ZNF385D: variants seen among roughly 807,000 people sequenced by gnomAD.
ZNF385D encodes the protein zinc finger protein 385D.
ZNF385D carries 15 observed loss-of-function variants against 35.8 expected under a neutral mutation model. That is an observed-to-expected ratio of 0.42 (90% CI 0.28 to 0.64). The LOEUF (loss-of-function observed/expected upper bound fraction) is 0.64. Among genes scored for constraint, ZNF385D ranks in the 30% least tolerant of loss-of-function variants. The pLI is 0.23. For synonymous variants in ZNF385D, 212 were observed against 186.8 expected (o/e 1.13, Z -1.10); for missense variants, 474 against 494.6 (o/e 0.96, Z 0.39).
intron 3 of ZNF385D, among the ~76,000 whole-genome samples, chr3:22,159,996 G>C (rs1182788030): frequency 1.3e-5 from 2 of 151,972 alleles, no homozygotes; most frequent in Admixed American, 6.6e-5. Context: ...TCAAAGGAGA[G>C]ACCATGTGGG....
chr3:22,116,347 T>C (rs1702810493), intron 3 of ZNF385D, among the ~76,000 whole-genome samples: 1 of 152,064 alleles, frequency 6.6e-6, no homozygotes, highest in Non-Finnish European at 1.5e-5. Context: ...GCAGTCAACA[T>C]ACTCCTTTTT....
chr3:21,753,099 C>T (rs890895911), upstream of ZNF385D, among the ~76,000 whole-genome samples: 2 of 152,146 alleles, frequency 1.3e-5, no homozygotes, highest in East Asian at 3.9e-4. Context: ...CTTGCATTTG[C>T]ATGACATTTT....
intron 2 of ZNF385D, among the ~76,000 whole-genome samples, chr3:21,656,521 A>G (rs150779674): frequency 2.4e-3 from 365 of 152,018 alleles, no homozygotes; most frequent in African/African-American, 8.6e-3. Flanking sequence ...ACCAGTCATA[A>G]TGAATTAGGG....
chr3:21,727,661 A>G (rs113160772), intron 1 of ZNF385D, among the ~76,000 whole-genome samples: 23,292 of 152,184 alleles, frequency 0.15, 1,824 homozygotes, highest in Middle Eastern at 0.25. Flanking sequence ...AAAAGTCAGG[A>G]AACAACAGAT....
At chr3:21,546,896 G>A (rs142320005) in intron 3 of ZNF385D, among the ~76,000 whole-genome samples, 99 of 151,822 alleles carry the variant, frequency 6.5e-4, no homozygotes, top group African/African-American at 2.2e-3. Flanking sequence ...TGCCAAAGTC[G>A]CTGGAGCTCG....
chr3:21,459,362 C>T (rs1185363227), intron 4 of ZNF385D: 4 of 152,050 alleles, frequency 2.6e-5, no homozygotes, highest in Non-Finnish European at 4.4e-5. Flanking sequence ...CTCAAAAGGG[C>T]ACTATCTGGA....
rs535069629 is a variant in ZNF385D at position 21,511,963 on chromosome 3, A to G, written c.277-940T>C. On this transcript the variant is annotated intron_variant, in intron 3 of 7. Transcript: ENST00000281523. Reference sequence around the variant, plus strand: ...AGAGATCAAGACTATCCTGGCCAACATGGTGAAACCCCATCTCTACTAAAA... The same window carrying G: ...AGAGATCAAGACTATCCTGGCCAACGTGGTGAAACCCCATCTCTACTAAAA... Among the ~76,000 whole-genome samples, 3 of 151,768 alleles carry G rather than the reference A, an allele frequency of 2.0e-5. 1 individual carries two copies. The highest frequency in any genetic ancestry group is 7.2e-5 in the African/African-American group (3 of 41,394).
chr3:21,753,463 A>G (rs1029768695), upstream of ZNF385D, among the ~76,000 whole-genome samples: 9 of 152,226 alleles, frequency 5.9e-5, no homozygotes, highest in African/African-American at 2.2e-4. Context: ...TTTGCCTGGT[A>G]GTATACCCCA....
chr3:22,029,622 T>A (rs903039751), intron 3 of ZNF385D, among the ~76,000 whole-genome samples: 4 of 152,248 alleles, frequency 2.6e-5, no homozygotes, highest in African/African-American at 9.6e-5. Context: ...TATATACACT[T>A]GTACTAAGAA....
At chr3:21,719,510 T>A (rs1426746243) in intron 1 of ZNF385D, among the ~76,000 whole-genome samples, 1 of 152,156 alleles carries the variant, frequency 6.6e-6, no homozygotes, top group Non-Finnish European at 1.5e-5. Flanking sequence ...ATTTTACCGA[T>A]CCTCAAACTG....
intron 2 of ZNF385D, among the ~76,000 whole-genome samples, chr3:22,283,071 A>C (rs746325047): frequency 6.6e-6 from 1 of 152,118 alleles, no homozygotes; most frequent in African/African-American, 2.4e-5. Context: ...AGGTAACAGC[A>C]GTTAAAAAAG....
intron 3 of ZNF385D, among the ~76,000 whole-genome samples, chr3:21,935,728 G>T (rs1701226530): frequency 1.2e-5 from 1 of 86,904 alleles, no homozygotes; most frequent in Non-Finnish European, 2.2e-5. Flanking sequence ...CCCAAGGAGA[G>T]CAAAGGCAGA....
At chr3:21,463,495 A>T (rs1703316358) in intron 4 of ZNF385D, among the ~76,000 whole-genome samples, 1 of 152,148 alleles carries the variant, frequency 6.6e-6, no homozygotes, top group Non-Finnish European at 1.5e-5. Context: ...GGAGGCACAC[A>T]CCTGGGACCC....
intron 2 of ZNF385D, among the ~76,000 whole-genome samples, chr3:22,360,416 T>C (rs566782146): frequency 6.6e-6 from 1 of 152,026 alleles, no homozygotes; most frequent in African/African-American, 2.4e-5. Flanking sequence ...TGCCACAGGT[T>C]TAGTTCCAAA....
intron 2 of ZNF385D, among the ~76,000 whole-genome samples, chr3:22,370,207 T>C (rs567503519): frequency 6.6e-6 from 1 of 152,340 alleles, no homozygotes; most frequent in South Asian, 2.1e-4. Context: ...AATTATAAGC[T>C]GGCTGAAATA....
At chr3:22,285,879 T>C (rs1701997854) in intron 2 of ZNF385D, among the ~76,000 whole-genome samples, 1 of 152,142 alleles carries the variant, frequency 6.6e-6, no homozygotes, top group Admixed American at 6.6e-5. Flanking sequence ...CCTTAAAAAG[T>C]ATTTACTATA....
intron 2 of ZNF385D, among the ~76,000 whole-genome samples, chr3:22,246,335 A>C (rs887747485): frequency 9.9e-5 from 15 of 152,114 alleles, no homozygotes; most frequent in African/African-American, 3.4e-4. Flanking sequence ...GTCTACTCTG[A>C]AGCATGTTCC....
chr3:22,173,268 C>T (rs1439278878), intron 2 of ZNF385D, among the ~76,000 whole-genome samples: 1 of 152,110 alleles, frequency 6.6e-6, no homozygotes, highest in African/African-American at 2.4e-5. Context: ...TGAAATAAAA[C>T]ATGGACATCG....
At chr3:21,721,806 A>T (rs1315567520) in intron 1 of ZNF385D, among the ~76,000 whole-genome samples, 1 of 152,208 alleles carries the variant, frequency 6.6e-6, no homozygotes, top group Non-Finnish European at 1.5e-5. Flanking sequence ...CCTATCTTAA[A>T]GAGATATTTG....
Sources: allele counts gnomAD v4.1 joint callset (sites outside exome capture counted in the v4.1 genomes callset), GRCh38; gene constraint gnomAD v4.1.1; transcripts MANE v1.5; gene names NCBI Gene and HGNC (gene_info 2026-07-23, HGNC 2026-07-21).